The following HAUS6 variants were observed in gnomAD, a reference collection of about 807,000 sequenced individuals.
The protein encoded by HAUS6 is HAUS augmin-like complex subunit 6.
Under a neutral mutation model 106.8 loss-of-function variants are expected in HAUS6, and 80 were observed. The observed-to-expected ratio is 0.75, with a 90% confidence interval of 0.63 to 0.90. HAUS6 has a LOEUF of 0.90. Ranked by LOEUF, HAUS6 falls within the 40% of genes least tolerant of loss-of-function variation. HAUS6 has a pLI of 0.00. For missense variants in HAUS6, 1,155 were observed against 1,118.1 expected (o/e 1.03, Z -0.47); for synonymous variants, 356 against 379.1 (o/e 0.94, Z 0.71).
chr9:19,100,304 T>C (rs1021847453), intron 1 of HAUS6, among the ~76,000 whole-genome samples: 3 of 152,214 alleles, frequency 2.0e-5, no homozygotes, highest in Admixed American at 2.0e-4. Flanking sequence ...AGATGGAGGC[T>C]GCAGTGAGCC....
chr9:19,093,823 T>C (rs1211653168), intron 3 of HAUS6, among the ~76,000 whole-genome samples: 1 of 152,076 alleles, frequency 6.6e-6, no homozygotes, highest in Non-Finnish European at 1.5e-5. Context: ...GAGCCAAGAT[T>C]GCGCCATTGC....
chr9:19,083,898 C>T (rs567448916), intron 7 of HAUS6, among the ~76,000 whole-genome samples: 62 of 151,094 alleles, frequency 4.1e-4, no homozygotes, highest in Non-Finnish European at 7.8e-4. Flanking sequence ...AAAAATTATG[C>T]CTCATTAAAA....
rs1817793480 is a variant in HAUS6 at position 19,093,254 on chromosome 9, G to C, written c.353C>G (p.Ser118Cys). The part of the protein sequence containing the change: ...FPQVVGSLFL[S>C]PGGPKFIHLM... ...ATGAATAAACTTAGGACCACCAGGA[G>C]AAAGAAATAGTGAACCAACAACTTG... is the stretch of plus-strand genomic sequence containing the variant. The change falls in exon 4 of 17, where the codon TCT becomes TGT. Residue 118 changes from serine (S) to cysteine (C), a missense_variant. Transcript: ENST00000380502. The C allele has an allele frequency of 6.2e-7, 1 of 1,609,754 alleles. No homozygotes were observed. The highest frequency in any genetic ancestry group is 1.1e-5 in the South Asian group (1 of 90,530).
At chr9:19,076,758 A>G (rs1588611601) in intron 10 of HAUS6, 54 bp from the exon 11 acceptor site, 1 of 783,208 alleles carries the variant, frequency 1.3e-6, no homozygotes, top group Admixed American at 1.9e-5. Flanking sequence ...AACTACCACA[A>G]TAACAATACT....
intron 14 of HAUS6, among the ~76,000 whole-genome samples, chr9:19,061,265 A>G (rs923905008): frequency 2.6e-5 from 4 of 152,204 alleles, no homozygotes; most frequent in Admixed American, 2.6e-4. Flanking sequence ...GGGAATTAAA[A>G]CACTAAATAT....
At chr9:19,076,074 TG>T (rs1836996389) in intron 11 of HAUS6, among the ~76,000 whole-genome samples, 1 of 148,812 alleles carries the variant, frequency 6.7e-6, no homozygotes, top group Admixed American at 6.7e-5. Flanking sequence ...GAAAATATTC[TG>T]GGGGCTGGGC....
At chr9:19,097,074 C>G (rs1817880000) in intron 1 of HAUS6, among the ~76,000 whole-genome samples, 1 of 152,088 alleles carries the variant, frequency 6.6e-6, no homozygotes, top group African/African-American at 2.4e-5. Context: ...TGGTAACAAC[C>G]TACATTTACT....
intron 11 of HAUS6, among the ~76,000 whole-genome samples, chr9:19,072,475 T>C (rs912986672): frequency 3.3e-5 from 5 of 150,054 alleles, no homozygotes; most frequent in African/African-American, 4.9e-5. Flanking sequence ...ATTGTGCCAC[T>C]ACACTCAAGC....
chr9:19,078,268 G>A lies in HAUS6; in HGVS notation c.1099C>T (p.His367Tyr). The A allele has an allele frequency of 6.6e-7, 1 of 1,517,872 alleles. No individual in the cohort carries two copies. Among genetic ancestry groups the A allele is most frequent in the Non-Finnish European group, 9.1e-7 (1 of 1,093,878 alleles). 94.0% of individuals were successfully genotyped at this position (1,517,872 alleles called of 1,614,324 possible). The change falls in exon 10 of 17, where the codon CAT (histidine) becomes TAT (tyrosine). Residue 367 changes from histidine (H) to tyrosine (Y), a missense_variant. Physicochemically the swap from His to Tyr is moderately conservative, Grantham distance 83. This residue lies in a region of HAUS6 where 761 missense variants were observed against 690.0 expected (regional missense o/e 1.10). Transcript: ENST00000380502. Reference protein sequence around the residue: ...RIKDDLTTIRHSVVEKQGEWH... With the variant: ...RIKDDLTTIRYSVVEKQGEWH... ...TCTCCTTGCTTTTCAACAACAGAAT[G>A]TCTTATAGTTGTGAGATCATCTTTT...
chr9:19,086,750 T>G lies in HAUS6; in HGVS notation c.683A>C (p.Glu228Ala), dbSNP rs534770993. The change falls in exon 7 of 17, where the codon GAA becomes GCA. Residue 228 changes from glutamate (E) to alanine (A), a missense_variant. This residue lies in a region of HAUS6 where 761 missense variants were observed against 690.0 expected (regional missense o/e 1.10). Transcript: ENST00000380502. ...TTGTCTCACCTTTTGAATTTTTTCTTCCATATTACTGTGGTCATCATAGGG... is the reference window on the plus strand; with the variant it reads ...TTGTCTCACCTTTTGAATTTTTTCTGCCATATTACTGTGGTCATCATAGGG... Reference protein sequence around the residue: ...MEPYDDHSNMEEKIQKVRSLW... With the variant: ...MEPYDDHSNMAEKIQKVRSLW... 3 of 1,251,946 alleles carry G rather than the reference T, an allele frequency of 2.4e-6. No individual in the cohort carries two copies. The highest frequency in any genetic ancestry group is 1.5e-5 in the African/African-American group (1 of 67,094). The allele number at this position is 1,251,946 out of a possible 1,614,324, so 77.6% of individuals were successfully genotyped here.
In HAUS6 at chr9:19,053,507, A is replaced by C. The variant is rs541220255; in HGVS notation, c.*2836T>G. ...ATACTCATATTTTTGTTTTCAGCTCAATTTCCCCCAAATGTTAACTTCAGC... is the reference window on the plus strand; with the variant it reads ...ATACTCATATTTTTGTTTTCAGCTCCATTTCCCCCAAATGTTAACTTCAGC... On this transcript the variant is annotated 3_prime_UTR_variant, in exon 17 of 17. Coordinates refer to ENST00000380502, the MANE Select transcript of HAUS6 (RefSeq NM_017645.5). The C allele has an allele frequency of 4.7e-4, 72 of 152,248 alleles. No individual in the cohort carries two copies. The highest frequency in any genetic ancestry group is 1.7e-3 in the African/African-American group (71 of 41,566). The allele number at this position is 152,248 out of a possible 1,614,324, so 9.4% of individuals were successfully genotyped here.
intron 2 of HAUS6, among the ~76,000 whole-genome samples, chr9:19,095,851 T>C (rs4977280): frequency 0.85 from 130,069 of 152,130 alleles, 55,985 homozygotes; most frequent in African/African-American, 0.95. Context: ...TAATATTCAA[T>C]AGCATATAAC....
chr9:19,102,493 T>TCCCTCGCCCCGCCGGCC, intron 1 of HAUS6, 31 bp downstream of exon 1: 1 of 1,607,632 alleles, frequency 6.2e-7, no homozygotes, highest in Non-Finnish European at 8.5e-7. Flanking sequence ...CGGTTCAGGC[T>TCCCTCGCCCCGCCGGCC]CCCTCGCCCC....
chr9:19,096,289 G>C (rs1417028346), intron 2 of HAUS6, among the ~76,000 whole-genome samples: 1 of 152,148 alleles, frequency 6.6e-6, no homozygotes, highest in Admixed American at 6.5e-5. Context: ...CTTATGCCGG[G>C]CGTGGTGGCT....
intron 8 of HAUS6, 34 bp from the exon 9 acceptor site, chr9:19,080,706 C>T: frequency 8.0e-7 from 1 of 1,246,582 alleles, no homozygotes; most frequent in East Asian, 2.3e-5. Flanking sequence ...AATTGGTGAA[C>T]TATAGGTTGT....
At chr9:19,075,937 C>T (rs1034863288) in intron 11 of HAUS6, among the ~76,000 whole-genome samples, 1 of 146,222 alleles carries the variant, frequency 6.8e-6, no homozygotes, top group Non-Finnish European at 1.5e-5. Flanking sequence ...CCAGCCTGGG[C>T]AACAGAGCAA....
intron 7 of HAUS6, 148 bp from the exon 8 acceptor site, chr9:19,083,191 C>T: frequency 4.6e-6 from 2 of 438,840 alleles, no homozygotes; most frequent in East Asian, 7.2e-5. Flanking sequence ...GTTTAAAAGT[C>T]CCTTTGGATA....
intron 7 of HAUS6, among the ~76,000 whole-genome samples, chr9:19,084,478 T>A (rs1837240591): frequency 6.6e-6 from 1 of 152,202 alleles, no homozygotes; most frequent in African/African-American, 2.4e-5. Flanking sequence ...TCAAGCTATA[T>A]ACTTATGAGT....
In HAUS6 at chr9:19,058,095, T is replaced by C. The variant is rs755693702; in HGVS notation, c.2672A>G (p.His891Arg). 4 of 1,614,192 alleles carry C rather than the reference T, an allele frequency of 2.5e-6. No individual in the cohort carries two copies. The highest frequency in any genetic ancestry group is 1.7e-4 in the Middle Eastern group (1 of 6,060). Residue 891 changes from histidine (H) to arginine (R), a missense_variant, in exon 16 of 17, where the codon CAT becomes CGT. His to Arg is a conservative substitution (Grantham distance 29). Around this residue, in one of 3 missense-constraint regions of HAUS6, gnomAD observed 380 missense variants for 394.8 expected, o/e 0.96. Coordinates refer to ENST00000380502, the MANE Select transcript of HAUS6 (RefSeq NM_017645.5). ...GGACGTGCGTAAAGATGGCTTTATA[T>C]GCTCAGTATGCAAATCACAGGTGTC... ...FLDTCDLHTEHIKPSLRTSIG... is the reference protein window; with the variant it reads ...FLDTCDLHTERIKPSLRTSIG...
Sources: gnomAD v4.1 joint callset for allele counts (sites outside exome capture counted in the v4.1 genomes callset) on GRCh38, gnomAD v4.1.1 for gene constraint, gnomAD v4.1.1 regional missense constraint, MANE v1.5 for transcripts, NCBI Gene and HGNC (gene_info 2026-07-23, HGNC 2026-07-21) for gene names.